The following ENTHD1 variants were observed in gnomAD, a reference collection of about 807,000 sequenced individuals.
ENTHD1 encodes the protein ENTH domain-containing protein 1.
A neutral mutation model predicts 39.1 loss-of-function variants in ENTHD1; 23 were observed. The ratio of observed to expected loss-of-function variants is 0.59; its 90% confidence interval spans 0.42 to 0.83. The LOEUF is 0.83. Ranked by LOEUF, ENTHD1 falls within the 40% of genes least tolerant of loss-of-function variation. The probability of loss-of-function intolerance (pLI) is 0.00; values close to 1 mark genes in which losing one functional copy is unlikely to be tolerated. For synonymous variants in ENTHD1, 230 were observed against 258.2 expected (o/e 0.89, Z 1.05); for missense variants, 624 against 705.4 (o/e 0.88, Z 1.31).
intron 2 of ENTHD1, among the ~76,000 whole-genome samples, chr22:39,869,983 C>CATTATTTA (rs1555943415): frequency 7.1e-6 from 1 of 140,630 alleles, no homozygotes; most frequent in Admixed American, 7.1e-5. Flanking sequence ...GAGAACAGTA[C>CATTATTTA]TTTATTTATT....
chr22:39,847,965 G>A (rs11912475), intron 3 of ENTHD1, among the ~76,000 whole-genome samples: 4,353 of 152,234 alleles, frequency 0.029, 200 homozygotes, highest in African/African-American at 0.1. Context: ...AAGTCAAGGC[G>A]TTGGCCAAGC....
At chr22:39,797,582 G>C (rs954281345) in intron 5 of ENTHD1, among the ~76,000 whole-genome samples, 1 of 152,086 alleles carries the variant, frequency 6.6e-6, no homozygotes, top group Non-Finnish European at 1.5e-5. Flanking sequence ...TCAACATTTT[G>C]CTTCCAGGTG....
chr22:39,868,954 A>G (rs1034228637), intron 2 of ENTHD1, among the ~76,000 whole-genome samples: 33 of 152,196 alleles, frequency 2.2e-4, no homozygotes, highest in African/African-American at 7.5e-4. Flanking sequence ...GGCTATTATC[A>G]AAAAGCCAAA....
At chr22:39,870,319 C>A (rs1050888141) in intron 2 of ENTHD1, among the ~76,000 whole-genome samples, 2 of 151,942 alleles carry the variant, frequency 1.3e-5, no homozygotes, top group African/African-American at 4.8e-5. Flanking sequence ...AACAGGAGAA[C>A]AGTACTAAGG....
chr22:39,827,136 C>G (rs999685434), intron 4 of ENTHD1, among the ~76,000 whole-genome samples: 1 of 151,914 alleles, frequency 6.6e-6, no homozygotes, highest in Non-Finnish European at 1.5e-5. Context: ...CTGCCTCAGC[C>G]TCCCAAGTAG....
intron 2 of ENTHD1, among the ~76,000 whole-genome samples, chr22:39,881,052 A>G (rs1196185119): frequency 6.6e-6 from 1 of 152,198 alleles, no homozygotes; most frequent in Non-Finnish European, 1.5e-5. Context: ...AGATTAAATG[A>G]ATTCATACAT....
chr22:39,869,337 T>C (rs1239340679), intron 2 of ENTHD1, among the ~76,000 whole-genome samples: 1 of 152,138 alleles, frequency 6.6e-6, no homozygotes, highest in East Asian at 1.9e-4. Context: ...CTGGAGGCCA[T>C]TATCCTAAGC....
chr22:39,820,107 T>C (rs2065770189), intron 5 of ENTHD1, among the ~76,000 whole-genome samples: 1 of 152,188 alleles, frequency 6.6e-6, no homozygotes, highest in Admixed American at 6.5e-5. Context: ...ATCCTCATCA[T>C]TCTCACAACT....
At chr22:39,778,797 T>A (rs1255098230) in intron 5 of ENTHD1, among the ~76,000 whole-genome samples, 2 of 152,208 alleles carry the variant, frequency 1.3e-5, no homozygotes, top group Non-Finnish European at 2.9e-5. Context: ...ATGTTTCTCT[T>A]GCTTTTTTTA....
At chr22:39,856,244 A>G (rs942085507) in intron 3 of ENTHD1, among the ~76,000 whole-genome samples, 1 of 149,704 alleles carries the variant, frequency 6.7e-6, no homozygotes, top group Non-Finnish European at 1.5e-5. Flanking sequence ...ATTGCACTCC[A>G]GCCTGGGCAA....
chr22:39,765,192 G>GTA (rs1555922446), intron 6 of ENTHD1, 31 bp downstream of exon 6: 1 of 1,544,672 alleles, frequency 6.5e-7, no homozygotes, highest in African/African-American at 1.4e-5. Context: ...GTGTGTGTGT[G>GTA]TGTGTGTGTG....
chr22:39,881,582 G>A (rs764322125), intron 2 of ENTHD1, among the ~76,000 whole-genome samples: 1 of 152,210 alleles, frequency 6.6e-6, no homozygotes, highest in Non-Finnish European at 1.5e-5. Context: ...ACTGGAGATG[G>A]GGCATAGACA....
At chr22:39,746,035 A>C (rs2065102110) in intron 6 of ENTHD1, among the ~76,000 whole-genome samples, 1 of 152,214 alleles carries the variant, frequency 6.6e-6, no homozygotes, top group Admixed American at 6.5e-5. Flanking sequence ...AGGTCAACTC[A>C]ATCATGTGAC....
intron 2 of ENTHD1, among the ~76,000 whole-genome samples, chr22:39,881,360 A>T (rs1306868560): frequency 1.3e-5 from 2 of 152,218 alleles, no homozygotes; most frequent in Non-Finnish European, 2.9e-5. Flanking sequence ...TTTCAGATTA[A>T]CAATTAGACT....
chr22:39,749,059 T>A (rs2065128815), intron 6 of ENTHD1, among the ~76,000 whole-genome samples: 1 of 152,236 alleles, frequency 6.6e-6, no homozygotes, highest in Non-Finnish European at 1.5e-5. Flanking sequence ...TTTACAGTTT[T>A]GCAGCTTTGA....
intron 3 of ENTHD1, among the ~76,000 whole-genome samples, chr22:39,842,450 T>C (rs2065951884): frequency 6.6e-6 from 1 of 152,162 alleles, no homozygotes; most frequent in South Asian, 2.1e-4. Context: ...TTATTCTTTT[T>C]TCTCTAGACT....
At position 39,888,285 on chromosome 22, in the gene ENTHD1, A is replaced by G. The variant is rs1267060489; in HGVS notation, c.-155-382T>C. Among the ~76,000 whole-genome samples the G allele has an allele frequency of 3.0e-5, 4 of 133,292 alleles. No individual in the cohort carries two copies. The East Asian group carries it at 6.4e-4, about 21-fold the overall frequency. The allele number at this position is 133,292 out of a possible 152,430, so 87.4% of individuals were successfully genotyped here. The stretch of plus-strand genomic sequence containing the variant: ...CTTTTTTTTTTTTTTTTTTTTTTCC[A>G]AAGACAGGGTATTGCCCTGCTTCCC... On this transcript the variant is annotated intron_variant, in intron 1 of 6. Transcript: ENST00000325157.
At chr22:39,775,358 G>A (rs1201418588) in intron 5 of ENTHD1, among the ~76,000 whole-genome samples, 4 of 152,138 alleles carry the variant, frequency 2.6e-5, no homozygotes, top group Admixed American at 6.5e-5. Context: ...TGTGTTCAAT[G>A]AATCATAAGC....
intron 5 of ENTHD1, among the ~76,000 whole-genome samples, chr22:39,799,421 C>T (rs573081063): frequency 2.6e-5 from 4 of 152,230 alleles, no homozygotes; most frequent in Admixed American, 2.0e-4. Context: ...CTCCTTAGTT[C>T]AGCTAAAATC....
Sources: gnomAD v4.1 joint callset for allele counts (sites outside exome capture counted in the v4.1 genomes callset) on GRCh38, gnomAD v4.1.1 for gene constraint, MANE v1.5 for transcripts, NCBI Gene and HGNC (gene_info 2026-07-23, HGNC 2026-07-21) for gene names.